MTM1: variants seen among roughly 807,000 people sequenced by gnomAD.
MTM1 encodes the protein myotubularin 1, also known as myotubularin.
In MTM1, 9 loss-of-function variants were observed where a neutral mutation model predicts 52.1. The ratio of observed to expected loss-of-function variants is 0.17; its 90% CI spans 0.10 to 0.30. The LOEUF is 0.30. MTM1 is among the 10% of genes least tolerant of loss of function. MTM1 has a pLI of 1.00. For missense variants in MTM1, 277 were observed against 470.7 expected (o/e 0.59, Z 3.81); for synonymous variants, 136 against 163.8 (o/e 0.83, Z 1.29).
chrX:150,625,352 A>G (rs1261358881), intron 6 of MTM1, among the ~76,000 whole-genome samples: 1 of 111,970 alleles, frequency 8.9e-6, no homozygotes, highest in Non-Finnish European at 1.9e-5. Context: ...GCAGGTGTAG[A>G]GAATAAGGAT....
chrX:150,587,255 G>A (rs1328389690), intron 1 of MTM1, among the ~76,000 whole-genome samples: 1 of 111,724 alleles, frequency 9.0e-6, no homozygotes, highest in Non-Finnish European at 1.9e-5. Flanking sequence ...TATGTACTTC[G>A]GCTGAAGACG....
intron 1 of MTM1, among the ~76,000 whole-genome samples, chrX:150,568,954 C>G (rs1391884880): frequency 8.8e-6 from 1 of 113,454 alleles, no homozygotes; most frequent in Non-Finnish European, 1.9e-5. Context: ...GTTGGCTGGC[C>G]GTGGAGCTGG....
At chrX:150,598,571 G>A in intron 3 of MTM1, 21 bp from the exon 4 acceptor site, 1 of 985,754 alleles carries the variant, frequency 1.0e-6, no homozygotes, top group South Asian at 1.9e-5. Context: ...TTATTTTAGG[G>A]TACTTTTTTT....
intron 1 of MTM1, among the ~76,000 whole-genome samples, chrX:150,571,416 CT>C (rs1283895848): frequency 1.8e-5 from 2 of 111,603 alleles, no homozygotes; most frequent in Admixed American, 1.9e-4. Flanking sequence ...ATCTGTGTGA[CT>C]TTAGGCAAGG....
At chrX:150,597,938 C>T (rs1569565389) in intron 3 of MTM1, among the ~76,000 whole-genome samples, 1 of 110,579 alleles carries the variant, frequency 9.0e-6, no homozygotes, top group Non-Finnish European at 1.9e-5. Flanking sequence ...AATTAAAAAA[C>T]GAGCTGGGTG....
chrX:150,649,274 C>T (rs1393225266), intron 9 of MTM1, among the ~76,000 whole-genome samples: 1 of 112,662 alleles, frequency 8.9e-6, no homozygotes, highest in Non-Finnish European at 1.9e-5. Context: ...TTGTTTTCCT[C>T]TAATGCATCA....
In MTM1 at chrX:150,671,646, T is replaced by G; in HGVS notation, c.*51T>G. 3.4e-6 allele frequency: 4 copies of G among 1,164,452 alleles called. No homozygotes were observed. Among genetic ancestry groups the G allele is most frequent in the Non-Finnish European group, 4.7e-6 (4 of 854,564 alleles). ...GCTCGAAATAAAGGCGATAGCTGAC[T>G]TTCATTTGGGGCATTTGTAAAAAGT... On this transcript the variant is annotated 3_prime_UTR_variant, in exon 15 of 15. Coordinates refer to ENST00000370396, the MANE Select transcript of MTM1 (RefSeq NM_000252.3).
intron 6 of MTM1, 40 bp downstream of exon 6, chrX:150,619,179 G>C (rs2039437052): frequency 1.0e-6 from 1 of 991,529 alleles, no homozygotes; most frequent in African/African-American, 1.9e-5. Flanking sequence ...AAGGTTCTCA[G>C]TGCCTCCTCT....
At chrX:150,651,885 A>G (rs1377834359) in intron 10 of MTM1, among the ~76,000 whole-genome samples, 1 of 110,848 alleles carries the variant, frequency 9.0e-6, no homozygotes, top group African/African-American at 3.3e-5. Flanking sequence ...TCAAAGGAGG[A>G]TATTGGAAGG....
At chrX:150,583,039 AATATAATTT>A (rs1211159722) in intron 1 of MTM1, among the ~76,000 whole-genome samples, 6 of 91,804 alleles carry the variant, frequency 6.5e-5, no homozygotes, top group African/African-American at 2.0e-4. Context: ...TATATATTTA[AATATAATTT>A]ATATAATTTA....
At chrX:150,607,805 T>C (rs2039196192) in intron 4 of MTM1, among the ~76,000 whole-genome samples, 1 of 111,578 alleles carries the variant, frequency 9.0e-6, no homozygotes, top group African/African-American at 3.3e-5. Flanking sequence ...GATATGATGG[T>C]GAGCACCGCA....
intron 4 of MTM1, among the ~76,000 whole-genome samples, chrX:150,606,939 TTCCCTCCCCTC>T (rs1569565416): frequency 5.0e-5 from 1 of 19,808 alleles, no homozygotes; most frequent in Non-Finnish European, 1.1e-4. Context: ...CTCCCTTCCC[TTCCCTCCCCTC>T]CCCCTCCCCT....
At position 150,649,920 on chromosome X, in the gene MTM1, A is replaced by G. The variant is rs782358269; in HGVS notation, c.1053+19A>G. On this transcript the variant is annotated intron_variant, in intron 10 of 14. Transcript: ENST00000370396. Reference sequence around the variant, plus strand: ...TATCAAGGCAAGTATATTTTGTGAAAATATTTGTGTATATAAAAAAGAATG... The same window carrying G: ...TATCAAGGCAAGTATATTTTGTGAAGATATTTGTGTATATAAAAAAGAATG... 1 of 1,169,238 alleles carries G rather than the reference A, an allele frequency of 8.6e-7. No individual in the cohort carries two copies. The highest frequency in any genetic ancestry group is 1.9e-5 in the South Asian group (1 of 53,622).
chrX:150,579,306 G>A (rs1053732179), intron 1 of MTM1, among the ~76,000 whole-genome samples: 3 of 110,478 alleles, frequency 2.7e-5, no homozygotes, highest in African/African-American at 6.6e-5. Context: ...TGCCCGCCTC[G>A]TCCTCCCAAA....
chrX:150,612,427 C>A (rs1473433194), intron 4 of MTM1, among the ~76,000 whole-genome samples: 3 of 111,911 alleles, frequency 2.7e-5, no homozygotes, highest in Admixed American at 9.5e-5. Flanking sequence ...AGCAGTGGCT[C>A]ACACATGTAA....
intron 1 of MTM1, among the ~76,000 whole-genome samples, chrX:150,574,240 C>T (rs1053060528): frequency 9.0e-6 from 1 of 111,342 alleles, no homozygotes; most frequent in Non-Finnish European, 1.9e-5. Context: ...TAATAATCTC[C>T]CCAGAGATTC....
intron 7 of MTM1, 92 bp downstream of exon 7, chrX:150,639,118 G>A (rs990980365): frequency 1.7e-5 from 12 of 716,751 alleles, no homozygotes; most frequent in Middle Eastern, 2.9e-4. Context: ...GAAAATCAGC[G>A]ACATCCTTGC....
chrX:150,648,741 TTGTAGTTGC>T (rs1448083040), intron 9 of MTM1, among the ~76,000 whole-genome samples: 1 of 112,943 alleles, frequency 8.9e-6, no homozygotes, highest in African/African-American at 3.2e-5. Flanking sequence ...AAGTTAATAC[TTGTAGTTGC>T]TGCAGTAGGC....
At chrX:150,628,139 A>G (rs1432853092) in intron 6 of MTM1, among the ~76,000 whole-genome samples, 1 of 111,447 alleles carries the variant, frequency 9.0e-6, no homozygotes. Context: ...CTGTGCCCCA[A>G]GAGGCCATGA....
Sources: gnomAD v4.1 joint callset for allele counts (sites outside exome capture counted in the v4.1 genomes callset) on GRCh38, gnomAD v4.1.1 for gene constraint, MANE v1.5 for transcripts, NCBI Gene and HGNC (gene_info 2026-07-23, HGNC 2026-07-21) for gene names.